ALK: variants seen among roughly 807,000 people sequenced by gnomAD.
ALK encodes ALK receptor tyrosine kinase, also known as ALK tyrosine kinase receptor.
A neutral mutation model predicts 163.1 loss-of-function variants in ALK; 74 were observed. That is an observed-to-expected ratio of 0.45 (90% CI 0.38 to 0.55). ALK has a LOEUF of 0.55. Among genes scored for constraint, ALK ranks in the 20% least tolerant of loss-of-function variants. ALK has a pLI of 0.00. For missense variants in ALK, 2,063 were observed against 2,105.3 expected (o/e 0.98, Z 0.39); for synonymous variants, 960 against 843.2 (o/e 1.14, Z -2.40).
intron 1 of ALK, among the ~76,000 whole-genome samples, chr2:29,723,168 G>C (rs1679469985): frequency 1.3e-5 from 2 of 152,148 alleles, no homozygotes; most frequent in Admixed American, 6.5e-5. Context: ...TCCTGATTCT[G>C]TCTCTAACCT....
intron 4 of ALK, among the ~76,000 whole-genome samples, chr2:29,419,104 G>C (rs560784519): frequency 3.3e-5 from 5 of 151,082 alleles, no homozygotes; most frequent in African/African-American, 1.2e-4. Context: ...GCCCAGGCTT[G>C]GGTGCAGTAG....
At chr2:29,686,332 G>A (rs140755722) in intron 3 of ALK, among the ~76,000 whole-genome samples, 1 of 152,260 alleles carries the variant, frequency 6.6e-6, no homozygotes, top group African/African-American at 2.4e-5. Flanking sequence ...TTGGCTCTGT[G>A]GTACAAAGTG....
At chr2:29,237,329 A>G (rs1391527828) in intron 13 of ALK, among the ~76,000 whole-genome samples, 1 of 152,134 alleles carries the variant, frequency 6.6e-6, no homozygotes, top group Non-Finnish European at 1.5e-5. Context: ...GAGCTTTTTA[A>G]CACACATACC....
At chr2:29,394,232 C>T (rs1573313780) in intron 4 of ALK, among the ~76,000 whole-genome samples, 1 of 151,414 alleles carries the variant, frequency 6.6e-6, no homozygotes, top group South Asian at 2.1e-4. Flanking sequence ...TTCTTCTTTG[C>T]TCTGGTTTGT....
intron 5 of ALK, among the ~76,000 whole-genome samples, chr2:29,350,762 A>G (rs752541613): frequency 1.4e-4 from 21 of 152,146 alleles, no homozygotes; most frequent in Non-Finnish European, 2.5e-4. Context: ...AGGTATTATC[A>G]TCTTTGTTTA....
chr2:29,331,920 C>T (rs1667449587), intron 5 of ALK, among the ~76,000 whole-genome samples: 1 of 152,084 alleles, frequency 6.6e-6, no homozygotes, highest in African/African-American at 2.4e-5. Context: ...TTATGCCTTA[C>T]CACAGGAGAC....
intron 3 of ALK, among the ~76,000 whole-genome samples, chr2:29,662,700 C>G (rs1487556798): frequency 1.4e-5 from 2 of 145,954 alleles, no homozygotes. Context: ...TTTTCCTTCT[C>G]TTCTTTCCAG....
At chr2:29,226,891 C>A (rs1185701188) in intron 18 of ALK, 31 bp downstream of exon 18, 1 of 1,613,250 alleles carries the variant, frequency 6.2e-7, no homozygotes, top group Non-Finnish European at 8.5e-7. Context: ...GGCTATGGGC[C>A]CCTCTGCCTC....
chr2:29,551,962 G>C (rs1368576940), intron 3 of ALK, among the ~76,000 whole-genome samples: 1 of 152,052 alleles, frequency 6.6e-6, no homozygotes, highest in Non-Finnish European at 1.5e-5. Context: ...CCCAATTTTA[G>C]ATATTTTCAC....
At chr2:29,498,370 A>AT (rs140449633) in intron 4 of ALK, among the ~76,000 whole-genome samples, 40 of 151,268 alleles carry the variant, frequency 2.6e-4, no homozygotes, top group Admixed American at 6.6e-4. Flanking sequence ...TTGAACTGTG[A>AT]TTTTTTTTTT....
chr2:29,688,303 C>T (rs765580674), intron 3 of ALK, among the ~76,000 whole-genome samples: 24 of 152,248 alleles, frequency 1.6e-4, no homozygotes, highest in African/African-American at 5.8e-4. Flanking sequence ...ACATCAGGAA[C>T]GTTGGGGCCA....
At chr2:29,529,500 GAT>G (rs1478026007) in intron 4 of ALK, among the ~76,000 whole-genome samples, 2 of 152,218 alleles carry the variant, frequency 1.3e-5, no homozygotes, top group Non-Finnish European at 2.9e-5. Context: ...CAAATCCAAA[GAT>G]TCTTGAGACT....
At chr2:29,357,638 C>T (rs1036892552) in intron 5 of ALK, among the ~76,000 whole-genome samples, 2 of 152,186 alleles carry the variant, frequency 1.3e-5, no homozygotes, top group African/African-American at 4.8e-5. Flanking sequence ...CCCCATCTCC[C>T]CCACCTGTCT....
intron 3 of ALK, among the ~76,000 whole-genome samples, chr2:29,692,695 C>T (rs911900251): frequency 5.2e-4 from 79 of 152,320 alleles, no homozygotes; most frequent in African/African-American, 1.7e-3. Flanking sequence ...TGCATCCCAT[C>T]CTAACAGGCC....
intron 1 of ALK, among the ~76,000 whole-genome samples, chr2:29,876,408 ATGG>A (rs1666712530): frequency 6.8e-6 from 1 of 147,598 alleles, no homozygotes; most frequent in Non-Finnish European, 1.5e-5. Flanking sequence ...GATGGTGGTG[ATGG>A]TGATGTGGTG....
intron 4 of ALK, among the ~76,000 whole-genome samples, chr2:29,399,260 C>A: frequency 6.6e-6 from 1 of 152,146 alleles, no homozygotes; most frequent in East Asian, 1.9e-4. Context: ...TTATCTTGTT[C>A]TAGGTTTGGT....
chr2:29,419,787 C>G (rs565776540), intron 4 of ALK, among the ~76,000 whole-genome samples: 1 of 151,386 alleles, frequency 6.6e-6, no homozygotes, highest in African/African-American at 2.5e-5. Flanking sequence ...AATGGAGACA[C>G]CTTGGGAAGC....
intron 4 of ALK, among the ~76,000 whole-genome samples, chr2:29,458,812 T>G (rs552793597): frequency 1.3e-5 from 2 of 152,282 alleles, no homozygotes. Context: ...GTGGAGGGGC[T>G]GTGCTAAACA....
intron 9 of ALK, among the ~76,000 whole-genome samples, chr2:29,281,244 G>C (rs1255528353): frequency 6.6e-6 from 1 of 152,168 alleles, no homozygotes. Context: ...GGCCATCCTA[G>C]AGAACATAGT....
Sources: gnomAD v4.1 joint callset for allele counts (sites outside exome capture counted in the v4.1 genomes callset) on GRCh38, gnomAD v4.1.1 for gene constraint, MANE v1.5 for transcripts, NCBI Gene and HGNC (gene_info 2026-07-23, HGNC 2026-07-21) for gene names.